DHRS2: variants seen among roughly 807,000 people sequenced by gnomAD.
DHRS2 encodes dehydrogenase/reductase 2, also known as dehydrogenase/reductase SDR family member 2, mitochondrial.
DHRS2 carries 29 observed loss-of-function variants against 26.3 expected under a neutral mutation model. The observed-to-expected ratio is 1.10, with a 90% CI of 0.82 to 1.50. The LOEUF (loss-of-function observed/expected upper bound fraction) is 1.50, where lower values mean the gene tolerates loss of function less well. DHRS2 is among the 40% of genes most tolerant of loss of function. DHRS2 has a pLI of 0.00. For missense variants in DHRS2, 439 were observed against 367.1 expected (o/e 1.20, Z -1.60); for synonymous variants, 164 against 151.3 (o/e 1.08, Z -0.62).
At chr14:23,635,811 C>T (rs1015235870), upstream of DHRS2, among the ~76,000 whole-genome samples, 82 of 152,304 alleles carry the variant, frequency 5.4e-4, no homozygotes, top group African/African-American at 1.5e-3. Flanking sequence ...GGAGAGGCGC[C>T]GGCAGGAGCC....
intron 4 of DHRS2, chr14:23,640,173 G>A: frequency 7.2e-6 from 6 of 835,028 alleles, no homozygotes; most frequent in Non-Finnish European, 9.0e-6. Flanking sequence ...ATTGCTGTCT[G>A]CCAGGCACCA....
In DHRS2 at chr14:23,630,396, G is replaced by A. The variant is rs143541375; in HGVS notation, c.-39+161G>A. Among the ~76,000 whole-genome samples the A allele has an allele frequency of 4.0e-3, 614 of 152,288 alleles. 4 individuals carry two copies. Among genetic ancestry groups the A allele is most frequent in the African/African-American group, 0.014 (593 of 41,546 alleles). On this transcript the variant is annotated intron_variant, in intron 1 of 6. Coordinates refer to the DHRS2 transcript ENST00000432832. ...TGATGCTCTTTCTTCCTGCCTCTATGTCTGCAGCTCAGTCTATTTCTTCTT... is the reference window on the plus strand; with the variant it reads ...TGATGCTCTTTCTTCCTGCCTCTATATCTGCAGCTCAGTCTATTTCTTCTT...
chr14:23,645,056 A>G (rs555821755), intron 8 of DHRS2, 86 bp from the exon 9 acceptor site: 4 of 1,596,432 alleles, frequency 2.5e-6, no homozygotes, highest in Non-Finnish European at 3.4e-6. Context: ...TTCCCCATGG[A>G]GCCCACTCCC....
At chr14:23,641,543 C>A in intron 4 of DHRS2, 1 of 1,223,606 alleles carries the variant, frequency 8.2e-7, no homozygotes, top group Non-Finnish European at 1.1e-6. Flanking sequence ...AGGGGTCTTA[C>A]CTCAGCCCCT....
At chr14:23,635,490 A>G (rs1890248055), upstream of DHRS2, among the ~76,000 whole-genome samples, 1 of 152,214 alleles carries the variant, frequency 6.6e-6, no homozygotes, top group Non-Finnish European at 1.5e-5. Context: ...GCAGGATGCA[A>G]GTTCCCTCTA....
upstream of DHRS2, among the ~76,000 whole-genome samples, chr14:23,631,942 C>T (rs1489094411): frequency 6.6e-6 from 1 of 152,344 alleles, no homozygotes; most frequent in Non-Finnish European, 1.5e-5. Context: ...AGGTTGTTTA[C>T]CTGCAACAGT....
chr14:23,631,887 G>GA, upstream of DHRS2, among the ~76,000 whole-genome samples: 1 of 152,328 alleles, frequency 6.6e-6, no homozygotes, highest in Non-Finnish European at 1.5e-5. Flanking sequence ...CTTTGCATGG[G>GA]AAGGGGAAGC....
chr14:23,644,886 A>G lies in DHRS2; in HGVS notation c.731+4A>G, dbSNP rs186925525. 158 of 1,614,126 alleles carry G rather than the reference A, an allele frequency of 9.8e-5. 1 individual carries two copies. Among genetic ancestry groups the G allele is most frequent in the Admixed American group, 2.0e-4 (12 of 60,032 alleles). ...AGGAACATCATCAGCTGCAGAGGCA[A>G]GTGGGGTTTGGAGATTTGGTGGTCC... is the stretch of plus-strand genomic sequence containing the variant. On this transcript the variant is annotated splice_donor_region_variant and intron_variant, in intron 8 of 8. Coordinates refer to ENST00000250383, the MANE Select transcript of DHRS2 (RefSeq NM_005794.4).
rs187486808 is a variant in DHRS2 at position 23,636,764 on chromosome 14, C to G, written c.-47C>G. ...ACCAAGCGGTGAGACTATCACCTAT[C>G]GCCAAGTGGTGAGTACCATCAGATC... is the stretch of plus-strand genomic sequence containing the variant. On this transcript the variant is annotated 5_prime_UTR_variant, in exon 1 of 9. The change creates a new upstream start codon in the 5' untranslated region. Coordinates refer to ENST00000250383, the MANE Select transcript of DHRS2 (RefSeq NM_005794.4). 2 of 152,202 alleles carry G rather than the reference C, an allele frequency of 1.3e-5. No homozygotes were observed. The highest frequency in any genetic ancestry group is 4.8e-5 in the African/African-American group (2 of 41,442). 9.4% of individuals were successfully genotyped at this position (152,202 alleles called of 1,614,324 possible). A position where few individuals can be genotyped will look rare whatever the true frequency, so the allele number is the denominator to read the frequency against.
chr14:23,644,929 G>C, intron 8 of DHRS2, 47 bp downstream of exon 8: 1 of 1,603,904 alleles, frequency 6.2e-7, no homozygotes. Flanking sequence ...GCTAGGCAGG[G>C]GCAGTTGAGT....
At chr14:23,641,951 A>G in intron 4 of DHRS2, 2 of 1,158,872 alleles carry the variant, frequency 1.7e-6, no homozygotes, top group Non-Finnish European at 2.2e-6. Flanking sequence ...GTGCCATGTC[A>G]GTCCCACCTG....
At chr14:23,635,000 T>C (rs1292933229), upstream of DHRS2, among the ~76,000 whole-genome samples, 2 of 152,220 alleles carry the variant, frequency 1.3e-5, no homozygotes, top group African/African-American at 2.4e-5. Context: ...CCATGCTTCC[T>C]GTACAGCCTG....
At chr14:23,635,001 G>A (rs1413618076), upstream of DHRS2, among the ~76,000 whole-genome samples, 3 of 152,016 alleles carry the variant, frequency 2.0e-5, no homozygotes, top group African/African-American at 4.8e-5. Context: ...CATGCTTCCT[G>A]TACAGCCTGT....
chr14:23,641,876 A>G (rs1242762976), intron 4 of DHRS2: 5 of 1,221,598 alleles, frequency 4.1e-6, no homozygotes, highest in Non-Finnish European at 5.2e-6. Flanking sequence ...ATGTGGTCTC[A>G]TTCCCTAGAG....
chr14:23,637,832 C>T (rs970405819), intron 1 of DHRS2, among the ~76,000 whole-genome samples: 4 of 152,162 alleles, frequency 2.6e-5, no homozygotes, highest in African/African-American at 9.7e-5. Context: ...AATCAGCACT[C>T]TGTCAAAATG....
At chr14:23,643,955 C>A (rs1187237952) in intron 5 of DHRS2, 156 bp from the exon 6 acceptor site, 125 of 744,880 alleles carry the variant, frequency 1.7e-4, no homozygotes, top group Non-Finnish European at 2.4e-6. Flanking sequence ...TGGTACTAAA[C>A]CTTTCTGAGC....
In DHRS2 at chr14:23,639,328, C is replaced by A; in HGVS notation, c.290C>A (p.Ala97Asp). The change falls in exon 3 of 9, where the codon GCT becomes GAT. Residue 97 changes from alanine (A) to aspartate (D), a missense_variant. Physicochemically the swap from Ala to Asp is moderately radical, Grantham distance 126. Coordinates refer to ENST00000250383, the MANE Select transcript of DHRS2 (RefSeq NM_005794.4). ...GGCATTGTGTGCCACGTGGGGAAGGCTGAGGACCGGGAGCAGCTGGTGGCC... is the reference window on the plus strand; with the variant it reads ...GGCATTGTGTGCCACGTGGGGAAGGATGAGGACCGGGAGCAGCTGGTGGCC... Reference protein sequence around the residue: ...VAGIVCHVGKAEDREQLVAKA... With the variant: ...VAGIVCHVGKDEDREQLVAKA... The A allele has an allele frequency of 2.5e-6, 4 of 1,579,600 alleles. No individual in the cohort carries two copies. The highest frequency in any genetic ancestry group is 3.4e-6 in the Non-Finnish European group (4 of 1,163,740).
chr14:23,634,425 T>A (rs1181804353), upstream of DHRS2, among the ~76,000 whole-genome samples: 1 of 152,056 alleles, frequency 6.6e-6, no homozygotes, highest in African/African-American at 2.4e-5. Flanking sequence ...AAATACCCAC[T>A]CTCCTCACTT....
chr14:23,639,772 T>A (rs1388679974), intron 3 of DHRS2, 22 bp from the exon 4 acceptor site: 1 of 1,589,078 alleles, frequency 6.3e-7, no homozygotes, highest in Non-Finnish European at 8.6e-7. Context: ...ATCTCCACAC[T>A]CATCCAATCT....
Sources: allele counts gnomAD v4.1 joint callset (sites outside exome capture counted in the v4.1 genomes callset), GRCh38; gene constraint gnomAD v4.1.1; transcripts MANE v1.5; gene names NCBI Gene and HGNC (gene_info 2026-07-23, HGNC 2026-07-21).